The following DCDC1 variants were observed in gnomAD, a reference collection of about 807,000 sequenced individuals.
DCDC1 encodes the protein doublecortin domain-containing protein 1.
Under a neutral mutation model 178.3 loss-of-function variants are expected in DCDC1, and 200 were observed. That is an observed-to-expected ratio of 1.12 (90% confidence interval 1.00 to 1.26). The LOEUF (loss-of-function observed/expected upper bound fraction) is 1.26, where lower values mean the gene tolerates loss of function less well. Ranked by LOEUF, DCDC1 falls within the 50% of genes most tolerant of loss-of-function variation. DCDC1 has a pLI of 0.00. For synonymous variants in DCDC1, 690 were observed against 604.8 expected (o/e 1.14, Z -2.07); for missense variants, 1,983 against 1,749.2 (o/e 1.13, Z -2.38).
chr11:30,905,255 T>G, intron 30 of DCDC1, 91 bp from the exon 31 acceptor site: 1 of 1,292,162 alleles, frequency 7.7e-7, no homozygotes, highest in Non-Finnish European at 1.1e-6. Context: ...TGTGTATACG[T>G]GTGTGGTGTC....
chr11:31,135,553 T>C (rs1963019821), intron 10 of DCDC1, among the ~76,000 whole-genome samples: 1 of 152,174 alleles, frequency 6.6e-6, no homozygotes. Context: ...TCCAGATTAA[T>C]ATAATCACTT....
At chr11:31,109,368 G>A (rs543540456) in intron 12 of DCDC1, among the ~76,000 whole-genome samples, 1 of 152,118 alleles carries the variant, frequency 6.6e-6, no homozygotes, top group Non-Finnish European at 1.5e-5. Context: ...CGGGGAGACA[G>A]GTGAAAAATC....
intron 38 of DCDC1, among the ~76,000 whole-genome samples, chr11:30,866,821 C>T (rs537111186): frequency 6.6e-6 from 1 of 152,188 alleles, no homozygotes; most frequent in Admixed American, 6.5e-5. Context: ...CCCAATGCAA[C>T]AACGTTGGGA....
chr11:31,206,801 C>T (rs1041975243), intron 9 of DCDC1, among the ~76,000 whole-genome samples: 1 of 152,118 alleles, frequency 6.6e-6, no homozygotes, highest in Non-Finnish European at 1.5e-5. Context: ...CCTATTTATT[C>T]TAACTTATTA....
intron 9 of DCDC1, among the ~76,000 whole-genome samples, chr11:31,177,488 C>G (rs897617472): frequency 6.6e-6 from 1 of 151,636 alleles, no homozygotes; most frequent in Admixed American, 6.6e-5. Context: ...AACCAGAAAA[C>G]AATTAAGAGA....
At chr11:31,046,615 G>GAAAAAA (rs4067329) in intron 20 of DCDC1, among the ~76,000 whole-genome samples, 3 of 140,438 alleles carry the variant, frequency 2.1e-5, no homozygotes, top group Non-Finnish European at 3.1e-5. Flanking sequence ...GCCTCAGTAA[G>GAAAAAA]AAAAAAAAAA....
chr11:30,999,841 G>A (rs1021033674), intron 20 of DCDC1, among the ~76,000 whole-genome samples: 5 of 152,052 alleles, frequency 3.3e-5, no homozygotes, highest in African/African-American at 1.2e-4. Context: ...AATATTTGTT[G>A]GCAATCTTAG....
intron 20 of DCDC1, among the ~76,000 whole-genome samples, chr11:30,953,218 T>A (rs1246800044): frequency 6.7e-6 from 1 of 149,456 alleles, no homozygotes; most frequent in Non-Finnish European, 1.5e-5. Flanking sequence ...AATGCAATTT[T>A]AAAATTTCGA....
In DCDC1 at chr11:31,332,185, C is replaced by A. The variant is rs557166268; in HGVS notation, c.-7+3262G>T. ...TTTGCAAAGAGATGTTTATAGTATT[C>A]TCTGATGATAGTTTGTATTTCTGTG... On this transcript the variant is annotated intron_variant, in intron 2 of 38. Transcript: ENST00000684477. 7.9e-5 allele frequency among the ~76,000 whole-genome samples: 12 copies of A among 152,266 alleles called. No homozygotes were observed. In the East Asian group the frequency reaches 2.3e-3, roughly 29 times the overall value.
intron 20 of DCDC1, among the ~76,000 whole-genome samples, chr11:30,969,017 C>T (rs185875515): frequency 5.3e-4 from 80 of 151,922 alleles, no homozygotes; most frequent in African/African-American, 1.9e-3. Context: ...ACTGAAATTC[C>T]ATCATTGCCA....
chr11:31,300,734 C>T (rs1948054827), intron 6 of DCDC1, among the ~76,000 whole-genome samples: 2 of 151,982 alleles, frequency 1.3e-5, no homozygotes, highest in Admixed American at 1.3e-4. Context: ...TAACAAGCAG[C>T]ATAGGCAGAC....
chr11:30,888,020 A>AAGAG (rs567285985), intron 36 of DCDC1, among the ~76,000 whole-genome samples: 5 of 141,648 alleles, frequency 3.5e-5, no homozygotes, highest in African/African-American at 8.1e-5. Context: ...AAAAGAAAGA[A>AAGAG]AGAGAGAGAG....
chr11:30,913,078 G>A (rs1452685895), intron 27 of DCDC1, among the ~76,000 whole-genome samples: 1 of 152,142 alleles, frequency 6.6e-6, no homozygotes, highest in African/African-American at 2.4e-5. Flanking sequence ...CTTCTGCCAT[G>A]GGACATATAT....
At position 31,170,891 on chromosome 11, in the gene DCDC1, G is replaced by A. The variant is rs181478537; in HGVS notation, c.1222-33107C>T. ...ATTGCCCAGGCTGGAGTGCAATAGC[G>A]TGATCTTGGCTCACCGCAACCTTGC... On this transcript the variant is annotated intron_variant, in intron 9 of 38. Transcript: ENST00000684477. 4.5e-4 allele frequency among the ~76,000 whole-genome samples: 69 copies of A among 152,088 alleles called. No individual in the cohort carries two copies. In the East Asian group the frequency reaches 0.011, roughly 23 times the overall value.
rs1298734778 is a variant in DCDC1 at position 30,863,899 on chromosome 11, A to C, written c.*1474T>G. On this transcript the variant is annotated 3_prime_UTR_variant, in exon 39 of 39. Coordinates refer to ENST00000684477, the MANE Select transcript of DCDC1 (RefSeq NM_001387274.1). ...CCCAGCACTTTGGGAGGCAGAGGCG[A>C]GTGGATCACCTGAGGTCAGGAGTTT... 6.6e-6 allele frequency: 1 copy of C among 152,132 alleles called. No individual in the cohort carries two copies. The highest frequency in any genetic ancestry group is 2.4e-5 in the African/African-American group (1 of 41,416). 9.4% of individuals were successfully genotyped at this position (152,132 alleles called of 1,614,324 possible).
At chr11:30,918,359 A>G (rs1349973434) in intron 25 of DCDC1, among the ~76,000 whole-genome samples, 3 of 152,146 alleles carry the variant, frequency 2.0e-5, no homozygotes. Context: ...CACTCCTTTA[A>G]TCAATATTTA....
At chr11:31,111,011 A>G (rs2135802462) in intron 11 of DCDC1, among the ~76,000 whole-genome samples, 1 of 152,300 alleles carries the variant, frequency 6.6e-6, no homozygotes, top group East Asian at 1.9e-4. Context: ...ATTCTGGTCA[A>G]AAGGATCTGA....
chr11:31,365,146 T>A (rs1468616424), intron 1 of DCDC1, among the ~76,000 whole-genome samples: 2 of 152,210 alleles, frequency 1.3e-5, no homozygotes, highest in Non-Finnish European at 2.9e-5. Context: ...CTTTGTTTTG[T>A]GTCTCTTGTA....
At chr11:30,903,880 G>A (rs1944883280) in intron 31 of DCDC1, 197 bp from the exon 32 acceptor site, 1 of 404,610 alleles carries the variant, frequency 2.5e-6, no homozygotes, top group South Asian at 9.7e-5. Context: ...TTTCACAACA[G>A]TAGTCCAATC....
Sources: allele counts gnomAD v4.1 joint callset (sites outside exome capture counted in the v4.1 genomes callset), GRCh38; gene constraint gnomAD v4.1.1; transcripts MANE v1.5; gene names NCBI Gene and HGNC (gene_info 2026-07-23, HGNC 2026-07-21).